Variants in FYB1 observed in about 807,000 individuals in gnomAD.
The protein encoded by FYB1 is FYN-binding protein 1.
A neutral mutation model predicts 94.1 loss-of-function variants in FYB1; 41 were observed. That is an observed-to-expected ratio of 0.44 (90% confidence interval 0.34 to 0.57). The LOEUF (loss-of-function observed/expected upper bound fraction) is 0.57. Among genes scored for constraint, FYB1 ranks in the 20% least tolerant of loss-of-function variants. FYB1 has a pLI of 0.02. For synonymous variants in FYB1, 367 were observed against 353.2 expected (o/e 1.04, Z -0.44); for missense variants, 1,050 against 976.8 (o/e 1.07, Z -1.00).
intron 2 of FYB1, among the ~76,000 whole-genome samples, chr5:39,181,222 T>A (rs1217381650): frequency 6.6e-6 from 1 of 152,228 alleles, no homozygotes; most frequent in Non-Finnish European, 1.5e-5. Flanking sequence ...GATCATTATA[T>A]CAGTGCTGTC....
At position 39,181,287 on chromosome 5, in the gene FYB1, T is replaced by C. The variant is rs1234640914; in HGVS notation, c.1135+20539A>G. On this transcript the variant is annotated intron_variant, in intron 2 of 18. Coordinates refer to ENST00000512982, the MANE Select transcript of FYB1 (RefSeq NM_001465.6). ...TTCAAATGTTTGTGCTTATATAGCG[T>C]ATATAGTATACTTATATACTGTAGC... 4.6e-5 allele frequency among the ~76,000 whole-genome samples: 7 copies of C among 152,356 alleles called. 1 individual carries two copies. In the South Asian group the frequency reaches 1.0e-3, roughly 23 times the overall value.
At chr5:39,204,509 A>G (rs1177951505) in intron 1 of FYB1, among the ~76,000 whole-genome samples, 2 of 152,204 alleles carry the variant, frequency 1.3e-5, no homozygotes, top group Non-Finnish European at 2.9e-5. Flanking sequence ...ACTGTTATGT[A>G]GCAACTCCAG....
intron 2 of FYB1, among the ~76,000 whole-genome samples, chr5:39,195,702 G>A (rs1323533708): frequency 6.6e-6 from 1 of 152,078 alleles, no homozygotes; most frequent in African/African-American, 2.4e-5. Flanking sequence ...TAGAAAAAAG[G>A]GTCAAACTGA....
At chr5:39,197,620 C>T (rs551930112) in intron 2 of FYB1, among the ~76,000 whole-genome samples, 1 of 152,252 alleles carries the variant, frequency 6.6e-6, no homozygotes, top group African/African-American at 2.4e-5. Context: ...ACTCTGGAAA[C>T]AATGACCTTC....
chr5:39,220,639 CACTT>C (rs1407306611), upstream of FYB1, among the ~76,000 whole-genome samples: 3 of 152,144 alleles, frequency 2.0e-5, no homozygotes, highest in African/African-American at 7.2e-5. Flanking sequence ...AAACATCAAA[CACTT>C]ACTGTGTGGG....
At chr5:39,154,113 T>C (rs1450734300) in intron 2 of FYB1, among the ~76,000 whole-genome samples, 1 of 152,176 alleles carries the variant, frequency 6.6e-6, no homozygotes. Flanking sequence ...CAATAAGATG[T>C]ATTACATATA....
chr5:39,110,230 T>C, intron 17 of FYB1, 126 bp downstream of exon 17: 1 of 581,210 alleles, frequency 1.7e-6, no homozygotes, highest in Non-Finnish European at 3.0e-6. Context: ...TAGTATAGCA[T>C]ATTGTTTTTA....
intron 1 of FYB1, among the ~76,000 whole-genome samples, chr5:39,260,690 G>T (rs1270004983): frequency 6.6e-6 from 1 of 152,142 alleles, no homozygotes; most frequent in Non-Finnish European, 1.5e-5. Flanking sequence ...AATATTTATA[G>T]TCAGCTCAAC....
intron 1 of FYB1, among the ~76,000 whole-genome samples, chr5:39,233,656 A>AT (rs1750841273): frequency 6.6e-6 from 1 of 152,258 alleles, no homozygotes; most frequent in African/African-American, 2.4e-5. Context: ...ATTGTTGTAC[A>AT]TTTTTGCAAA....
intron 1 of FYB1, among the ~76,000 whole-genome samples, chr5:39,210,261 C>G (rs1749242385): frequency 6.6e-6 from 1 of 152,220 alleles, no homozygotes; most frequent in African/African-American, 2.4e-5. Flanking sequence ...AAACACCTGA[C>G]TTAAATGGGG....
At chr5:39,232,330 A>T (rs1227213350) in intron 1 of FYB1, among the ~76,000 whole-genome samples, 3 of 152,074 alleles carry the variant, frequency 2.0e-5, no homozygotes, top group Non-Finnish European at 4.4e-5. Context: ...AAAGAAATGA[A>T]TAAGCTACCA....
chr5:39,111,313 C>T (rs2150257064), intron 16 of FYB1, among the ~76,000 whole-genome samples: 1 of 152,018 alleles, frequency 6.6e-6, no homozygotes, highest in South Asian at 2.1e-4. Context: ...TAAATAATTT[C>T]TCTCAGTGAG....
At chr5:39,147,881 CGT>C (rs1033767573) in intron 3 of FYB1, among the ~76,000 whole-genome samples, 1 of 150,738 alleles carries the variant, frequency 6.6e-6, no homozygotes, top group African/African-American at 2.4e-5. Context: ...GGGGTTTCAC[CGT>C]GTTAGTCAGG....
chr5:39,159,018 G>C (rs17380048), intron 2 of FYB1, among the ~76,000 whole-genome samples: 1 of 151,956 alleles, frequency 6.6e-6, no homozygotes, highest in African/African-American at 2.4e-5. Context: ...GGGAGTAATC[G>C]AGCCCTAACT....
At chr5:39,206,393 T>A (rs535281098) in intron 1 of FYB1, among the ~76,000 whole-genome samples, 4 of 152,326 alleles carry the variant, frequency 2.6e-5, no homozygotes, top group Admixed American at 2.6e-4. Flanking sequence ...TAATAGGTAG[T>A]TTTTTTCTTT....
chr5:39,222,457 G>A (rs558681114), upstream of FYB1, among the ~76,000 whole-genome samples: 9 of 152,294 alleles, frequency 5.9e-5, no homozygotes, highest in East Asian at 7.7e-4. Context: ...CTAAAGGGAA[G>A]GTGAGCCCAG....
Position 39,177,737 on chromosome 5 carries a change from A to C in FYB1, c.1135+24089T>G, listed in dbSNP as rs376234714. Among the ~76,000 whole-genome samples the C allele has an allele frequency of 2.6e-5, 4 of 152,206 alleles. No homozygotes were observed. The East Asian group carries it at 7.7e-4, about 29-fold the overall frequency. ...TGTAACTCTCTTCATTTTCTTTTTC[A>C]CGTCCTGGAGATTGCATGTGTACGT... On this transcript the variant is annotated intron_variant, in intron 2 of 18. Coordinates refer to ENST00000512982, the MANE Select transcript of FYB1 (RefSeq NM_001465.6).
chr5:39,150,932 T>C (rs1489601693), intron 3 of FYB1, among the ~76,000 whole-genome samples: 3 of 152,210 alleles, frequency 2.0e-5, no homozygotes, highest in Non-Finnish European at 4.4e-5. Context: ...CTGATGTAGC[T>C]CTTTGAGTGG....
intron 1 of FYB1, among the ~76,000 whole-genome samples, chr5:39,231,167 A>C (rs7719024): frequency 0.11 from 15,575 of 142,174 alleles, 2,364 homozygotes; most frequent in African/African-American, 0.37. Flanking sequence ...AAAAACAAAA[A>C]AAAACAAAAA....
Sources: gnomAD v4.1 joint callset for allele counts (sites outside exome capture counted in the v4.1 genomes callset) on GRCh38, gnomAD v4.1.1 for gene constraint, MANE v1.5 for transcripts, NCBI Gene and HGNC (gene_info 2026-07-23, HGNC 2026-07-21) for gene names.